The following AFF3 variants were observed in gnomAD, a reference collection of about 807,000 sequenced individuals.
AFF3 encodes ALF transcription elongation factor 3.
AFF3 carries 32 observed loss-of-function variants against 129.7 expected under a neutral mutation model. The ratio of observed to expected loss-of-function variants is 0.25; its 90% CI spans 0.19 to 0.33. The LOEUF is 0.33. Among genes scored for constraint, AFF3 ranks in the 10% least tolerant of loss-of-function variants. The probability of loss-of-function intolerance (pLI) is 1.00; values close to 1 mark genes in which losing one functional copy is unlikely to be tolerated. For synonymous variants in AFF3, 644 were observed against 635.4 expected, an observed-to-expected ratio of 1.01 and a Z score of -0.20; for missense variants, 1,373 against 1,592.0, an observed-to-expected ratio of 0.86 and a Z score of 2.34.
intron 17 of AFF3, 131 bp from the exon 18 acceptor site, chr2:99,578,582 G>T: frequency 7.3e-7 from 1 of 1,375,058 alleles, no homozygotes; most frequent in Non-Finnish European, 9.7e-7. Context: ...AGAATTGATG[G>T]TGATTTTGTC....
intron 20 of AFF3, among the ~76,000 whole-genome samples, chr2:99,563,272 G>A (rs1029955632): frequency 1.3e-5 from 2 of 151,564 alleles, no homozygotes; most frequent in African/African-American, 4.8e-5. Context: ...CTCACTGCGA[G>A]CTCCGCCTTC....
intron 8 of AFF3, among the ~76,000 whole-genome samples, chr2:99,754,826 T>C (rs975983081): frequency 6.6e-6 from 1 of 152,216 alleles, no homozygotes; most frequent in Non-Finnish European, 1.5e-5. Context: ...ACTCATCCCC[T>C]GAACATTTCC....
At chr2:99,859,899 G>C (rs890516395) in intron 7 of AFF3, among the ~76,000 whole-genome samples, 3 of 152,068 alleles carry the variant, frequency 2.0e-5, no homozygotes, top group Non-Finnish European at 4.4e-5. Context: ...CAGGCTCCTA[G>C]AACTTTCAGC....
intron 7 of AFF3, among the ~76,000 whole-genome samples, chr2:99,974,203 TA>T: frequency 6.6e-6 from 1 of 152,250 alleles, no homozygotes; most frequent in East Asian, 1.9e-4. Flanking sequence ...TGAAATGTGA[TA>T]ATTTTTTTTA....
At chr2:100,103,527 G>T (rs1690917084) in intron 4 of AFF3, among the ~76,000 whole-genome samples, 1 of 143,714 alleles carries the variant, frequency 7.0e-6, no homozygotes, top group Non-Finnish European at 1.6e-5. Context: ...GTTGGGGGGA[G>T]CAGAGAAAGA....
intron 8 of AFF3, among the ~76,000 whole-genome samples, chr2:99,774,822 G>A (rs982479124): frequency 6.6e-6 from 1 of 151,650 alleles, no homozygotes; most frequent in African/African-American, 2.4e-5. Context: ...CAGAATGGGA[G>A]AAAATTTTTG....
chr2:99,940,037 G>A (rs546477042), intron 7 of AFF3, among the ~76,000 whole-genome samples: 1 of 152,242 alleles, frequency 6.6e-6, no homozygotes, highest in East Asian at 1.9e-4. Flanking sequence ...TAAGATCTTA[G>A]ACTTTTCAGT....
chr2:99,647,972 A>G (rs577444922), intron 13 of AFF3, among the ~76,000 whole-genome samples: 2 of 152,328 alleles, frequency 1.3e-5, no homozygotes, highest in East Asian at 1.9e-4. Context: ...ACAAAGTTGT[A>G]TATGTTTTGG....
At chr2:99,556,702 G>A (rs1194668522) in intron 22 of AFF3, among the ~76,000 whole-genome samples, 1 of 152,036 alleles carries the variant, frequency 6.6e-6, no homozygotes, top group Non-Finnish European at 1.5e-5. Flanking sequence ...CAGTAGGCTC[G>A]CTGGAGGACA....
At chr2:99,779,180 G>C (rs531120327) in intron 8 of AFF3, among the ~76,000 whole-genome samples, 1 of 152,254 alleles carries the variant, frequency 6.6e-6, no homozygotes, top group South Asian at 2.1e-4. Flanking sequence ...ATGGGTATCT[G>C]TTCTAGCTGG....
At chr2:99,789,647 C>T (rs1370771597) in intron 8 of AFF3, among the ~76,000 whole-genome samples, 4 of 151,974 alleles carry the variant, frequency 2.6e-5, no homozygotes, top group Admixed American at 1.3e-4. Flanking sequence ...CTGCCTCTGG[C>T]CTCAGGAGAG....
chr2:99,876,740 C>T (rs1177976330), intron 7 of AFF3, among the ~76,000 whole-genome samples: 1 of 152,114 alleles, frequency 6.6e-6, no homozygotes, highest in African/African-American at 2.4e-5. Flanking sequence ...CACCCTCATG[C>T]CAAAATACTT....
chr2:99,774,156 C>A (rs1013136141), intron 8 of AFF3, among the ~76,000 whole-genome samples: 8 of 152,204 alleles, frequency 5.3e-5, no homozygotes, highest in Admixed American at 4.6e-4. Flanking sequence ...AATGGCCACA[C>A]TGCCCAAAGC....
At chr2:99,703,120 A>G (rs1677029120) in intron 11 of AFF3, among the ~76,000 whole-genome samples, 1 of 152,248 alleles carries the variant, frequency 6.6e-6, no homozygotes, top group Non-Finnish European at 1.5e-5. Flanking sequence ...GTCCAAAATC[A>G]GTATCACTGG....
chr2:99,970,264 C>G (rs1426033663), intron 7 of AFF3, among the ~76,000 whole-genome samples: 1 of 152,170 alleles, frequency 6.6e-6, no homozygotes, highest in Non-Finnish European at 1.5e-5. Flanking sequence ...CAGAGACGTT[C>G]CTTCTCTTTC....
chr2:99,866,777 G>C (rs1232537517), intron 7 of AFF3, among the ~76,000 whole-genome samples: 1 of 151,870 alleles, frequency 6.6e-6, no homozygotes, highest in Non-Finnish European at 1.5e-5. Context: ...AGGAGTTCGA[G>C]ACCAGCCTGG....
intron 13 of AFF3, among the ~76,000 whole-genome samples, chr2:99,642,347 T>C (rs1239756888): frequency 6.6e-6 from 1 of 152,136 alleles, no homozygotes; most frequent in African/African-American, 2.4e-5. Flanking sequence ...TTCTCATTTT[T>C]CCATTTCTTC....
intron 1 of AFF3, among the ~76,000 whole-genome samples, chr2:100,136,610 G>A (rs1692650704): frequency 6.6e-6 from 1 of 152,084 alleles, no homozygotes; most frequent in Non-Finnish European, 1.5e-5. Context: ...CCATTGATCT[G>A]TTTATCCATT....
intron 7 of AFF3, among the ~76,000 whole-genome samples, chr2:99,926,071 T>G (rs917302317): frequency 5.9e-5 from 9 of 152,222 alleles, no homozygotes; most frequent in African/African-American, 2.2e-4. Context: ...CCAATTCAAC[T>G]ATTCAAGGAA....
Sources: gnomAD v4.1 joint callset for allele counts (sites outside exome capture counted in the v4.1 genomes callset) on GRCh38, gnomAD v4.1.1 for gene constraint, MANE v1.5 for transcripts, NCBI Gene and HGNC (gene_info 2026-07-23, HGNC 2026-07-21) for gene names.